The following NPAS3 variants were observed in gnomAD, a reference collection of about 807,000 sequenced individuals.
The protein encoded by NPAS3 is neuronal PAS domain-containing protein 3.
NPAS3 carries 14 observed loss-of-function variants against 73.1 expected under a neutral mutation model. The observed-to-expected ratio is 0.19, with a 90% CI of 0.13 to 0.30. The LOEUF is 0.30. Ranked by LOEUF, NPAS3 falls within the 10% of genes least tolerant of loss-of-function variation. NPAS3 has a pLI of 1.00. For missense variants in NPAS3, 1,096 were observed against 1,250.0 expected, an observed-to-expected ratio of 0.88 and a Z score of 1.86; for synonymous variants, 620 against 541.5, an observed-to-expected ratio of 1.14 and a Z score of -2.01.
At chr14:32,939,955 C>G (rs1005214635) in intron 1 of NPAS3, among the ~76,000 whole-genome samples, 3 of 152,190 alleles carry the variant, frequency 2.0e-5, no homozygotes, top group African/African-American at 7.2e-5. Flanking sequence ...CCCAGAGGAG[C>G]GCGGCCGCCG....
chr14:33,314,098 A>G (rs889565429), intron 3 of NPAS3, among the ~76,000 whole-genome samples: 1 of 152,036 alleles, frequency 6.6e-6, no homozygotes, highest in Non-Finnish European at 1.5e-5. Flanking sequence ...ATTGAACCTA[A>G]TAGACCACTT....
At chr14:33,525,617 G>T (rs2053763032) in intron 4 of NPAS3, among the ~76,000 whole-genome samples, 1 of 152,088 alleles carries the variant, frequency 6.6e-6, no homozygotes. Context: ...GTCACTGAAA[G>T]AATTTACTCT....
intron 4 of NPAS3, among the ~76,000 whole-genome samples, chr14:33,527,421 T>C (rs974867868): frequency 6.6e-6 from 1 of 152,200 alleles, no homozygotes; most frequent in African/African-American, 2.4e-5. Flanking sequence ...CTAATAGATA[T>C]GCCTGTAACA....
intron 1 of NPAS3, among the ~76,000 whole-genome samples, chr14:33,014,616 CT>C (rs2139667694): frequency 6.6e-6 from 1 of 152,090 alleles, no homozygotes; most frequent in African/African-American, 2.4e-5. Context: ...CATATTTATT[CT>C]TTTTAGTAAA....
chr14:33,592,396 A>G (rs1000694839), intron 5 of NPAS3, among the ~76,000 whole-genome samples: 4 of 152,224 alleles, frequency 2.6e-5, no homozygotes, highest in African/African-American at 7.2e-5. Context: ...GAAACAAGAC[A>G]CAAACATATT....
chr14:33,212,356 T>C (rs1198501057), intron 2 of NPAS3, among the ~76,000 whole-genome samples: 1 of 152,140 alleles, frequency 6.6e-6, no homozygotes, highest in Non-Finnish European at 1.5e-5. Context: ...TGGAAATCCT[T>C]TGTTATTAAG....
chr14:33,730,880 G>A (rs149952653), intron 6 of NPAS3, among the ~76,000 whole-genome samples: 11 of 152,190 alleles, frequency 7.2e-5, no homozygotes, highest in Middle Eastern at 3.4e-3. Flanking sequence ...TCTTTAGTTC[G>A]TCCTGTGTGC....
At chr14:32,998,694 C>G (rs2038683031) in intron 1 of NPAS3, among the ~76,000 whole-genome samples, 1 of 152,170 alleles carries the variant, frequency 6.6e-6, no homozygotes, top group Non-Finnish European at 1.5e-5. Context: ...TTTCCTCTCA[C>G]CCATAGGGGA....
At chr14:33,480,097 G>A (rs1013400523) in intron 4 of NPAS3, among the ~76,000 whole-genome samples, 1 of 152,164 alleles carries the variant, frequency 6.6e-6, no homozygotes, top group African/African-American at 2.4e-5. Flanking sequence ...GTTATAAGTA[G>A]TATATGTACT....
chr14:33,081,037 T>C (rs746196139), intron 2 of NPAS3, among the ~76,000 whole-genome samples: 1 of 152,214 alleles, frequency 6.6e-6, no homozygotes, highest in Non-Finnish European at 1.5e-5. Flanking sequence ...CCAAGTTCTT[T>C]ACCAGCAATG....
intron 9 of NPAS3, among the ~76,000 whole-genome samples, chr14:33,791,003 T>C (rs1047819521): frequency 2.0e-5 from 3 of 152,240 alleles, no homozygotes; most frequent in African/African-American, 7.2e-5. Flanking sequence ...AAACATGTTG[T>C]CCCAACTCTG....
intron 5 of NPAS3, among the ~76,000 whole-genome samples, chr14:33,565,456 G>T (rs1180657486): frequency 6.6e-6 from 1 of 152,212 alleles, no homozygotes; most frequent in Non-Finnish European, 1.5e-5. Flanking sequence ...AATCACTGGA[G>T]GTTAAAGATG....
In NPAS3 at chr14:33,221,797, C is replaced by A. The variant is rs147837093; in HGVS notation, c.385+6371C>A. 5.0e-4 allele frequency among the ~76,000 whole-genome samples: 76 copies of A among 152,188 alleles called. No homozygotes were observed. In the East Asian group the frequency reaches 0.014, roughly 28 times the overall value. On this transcript the variant is annotated intron_variant, in intron 3 of 11. Coordinates refer to ENST00000356141, the Ensembl canonical transcript of NPAS3. ...GAGTGGTAAAACCCATCCATTTCTG[C>A]CTTTGACTATGTCATCATCTGACTG...
intron 4 of NPAS3, among the ~76,000 whole-genome samples, chr14:33,547,233 G>A (rs1344474310): frequency 6.6e-6 from 1 of 152,172 alleles, no homozygotes; most frequent in African/African-American, 2.4e-5. Context: ...ACACATTTAA[G>A]TAGAAATTAA....
intron 2 of NPAS3, among the ~76,000 whole-genome samples, chr14:33,199,113 G>A (rs1353051562): frequency 1.3e-5 from 2 of 152,130 alleles, no homozygotes; most frequent in Non-Finnish European, 2.9e-5. Context: ...GTTCCTGCCC[G>A]TGCCTCTCCC....
intron 3 of NPAS3, among the ~76,000 whole-genome samples, chr14:33,238,752 G>A (rs1202991638): frequency 6.6e-6 from 1 of 151,910 alleles, no homozygotes; most frequent in East Asian, 1.9e-4. Context: ...CCCATTTGTG[G>A]TAGTGAATTT....
intron 1 of NPAS3, among the ~76,000 whole-genome samples, chr14:32,992,017 T>A (rs1459751176): frequency 6.6e-6 from 1 of 152,202 alleles, no homozygotes; most frequent in African/African-American, 2.4e-5. Context: ...ACTCAAACAT[T>A]CTTTTTCAAA....
chr14:33,219,440 T>C (rs2047341659), intron 3 of NPAS3, among the ~76,000 whole-genome samples: 1 of 152,230 alleles, frequency 6.6e-6, no homozygotes, highest in Admixed American at 6.5e-5. Context: ...AATTTGCCTA[T>C]GTGTGTGACA....
At position 33,648,959 on chromosome 14, in the gene NPAS3, G is replaced by C. The variant is rs534677372; in HGVS notation, c.559-27252G>C. 5.4e-4 allele frequency among the ~76,000 whole-genome samples: 82 copies of C among 152,262 alleles called. 1 individual carries two copies. The highest frequency in any genetic ancestry group is 1.8e-3 in the African/African-American group (76 of 41,558). On this transcript the variant is annotated intron_variant, in intron 5 of 11. Coordinates refer to ENST00000356141, the Ensembl canonical transcript of NPAS3. ...AGCGAATTGTGAGGGTCCTTGCCTT[G>C]CAGTTTTCCTCTGTTGAGGAACTCA...
Sources: allele counts gnomAD v4.1 joint callset (sites outside exome capture counted in the v4.1 genomes callset), GRCh38; gene constraint gnomAD v4.1.1; transcripts MANE v1.5; gene names NCBI Gene and HGNC (gene_info 2026-07-23, HGNC 2026-07-21).